The following ENOX1 variants were observed in gnomAD, a reference collection of about 807,000 sequenced individuals.
The protein encoded by ENOX1 is candidate growth-related and time keeping constitutive hydroquinone (NADH) oxidase.
In ENOX1, 42 loss-of-function variants were observed where a neutral mutation model predicts 82.5. That is an observed-to-expected ratio of 0.51 (90% confidence interval 0.40 to 0.66). The LOEUF is 0.66. Among genes scored for constraint, ENOX1 ranks in the 30% least tolerant of loss-of-function variants. The pLI is 0.00. For missense variants in ENOX1, 608 were observed against 811.6 expected, an observed-to-expected ratio of 0.75 and a Z score of 3.05; for synonymous variants, 271 against 282.2, an observed-to-expected ratio of 0.96 and a Z score of 0.40.
At chr13:43,261,368 A>C (rs1389696353) in intron 14 of ENOX1, among the ~76,000 whole-genome samples, 1 of 152,162 alleles carries the variant, frequency 6.6e-6, no homozygotes, top group Non-Finnish European at 1.5e-5. Context: ...GCAATTCCAG[A>C]AGTTTGAAGC....
intron 8 of ENOX1, among the ~76,000 whole-genome samples, chr13:43,355,499 T>C (rs73469610): frequency 0.02 from 3,033 of 152,298 alleles, 37 homozygotes; most frequent in Non-Finnish European, 0.028. Flanking sequence ...GCACACTCTA[T>C]AGAGCTGGAG....
chr13:43,311,729 C>T (rs966249726), intron 11 of ENOX1, among the ~76,000 whole-genome samples: 25 of 152,322 alleles, frequency 1.6e-4, no homozygotes, highest in African/African-American at 4.3e-4. Context: ...GTTAGCTATT[C>T]TTTCCCCTTA....
At position 43,231,544 on chromosome 13, in the gene ENOX1, C is replaced by T. The variant is rs190179379; in HGVS notation, c.1714+5092G>A. Among the ~76,000 whole-genome samples, 6 of 152,196 alleles carry T rather than the reference C, an allele frequency of 3.9e-5. No homozygotes were observed. In the East Asian group the frequency reaches 5.8e-4, roughly 15 times the overall value. ...GTAATATTTGTCTGTCTTATTTTTT[C>T]GATTAAACCCCTCAGACTGTATTTG... On this transcript the variant is annotated intron_variant, in intron 15 of 16. Transcript: ENST00000690772.
intron 2 of ENOX1, among the ~76,000 whole-genome samples, chr13:43,657,986 G>A (rs1219635494): frequency 6.6e-6 from 1 of 152,168 alleles, no homozygotes; most frequent in East Asian, 1.9e-4. Flanking sequence ...TATAGAATAT[G>A]AAACGGTGGT....
At chr13:43,401,764 G>A (rs1178194820) in intron 5 of ENOX1, among the ~76,000 whole-genome samples, 1 of 152,174 alleles carries the variant, frequency 6.6e-6, no homozygotes, top group East Asian at 1.9e-4. Context: ...AGAGTTCCCA[G>A]AAGTGTTTTG....
intron 7 of ENOX1, among the ~76,000 whole-genome samples, chr13:43,356,820 C>T (rs557845947): frequency 2.0e-5 from 3 of 152,144 alleles, no homozygotes; most frequent in South Asian, 2.1e-4. Flanking sequence ...GAGGCCTCGC[C>T]GCTGCCTGCC....
At chr13:43,271,353 T>C (rs1164797427) in intron 12 of ENOX1, among the ~76,000 whole-genome samples, 1 of 151,966 alleles carries the variant, frequency 6.6e-6, no homozygotes, top group Non-Finnish European at 1.5e-5. Context: ...AAAGCACTGC[T>C]CAGCAAAAAA....
chr13:43,743,583 C>T (rs1949868149), intron 1 of ENOX1, among the ~76,000 whole-genome samples: 1 of 152,172 alleles, frequency 6.6e-6, no homozygotes, highest in Admixed American at 6.6e-5. Context: ...TGGAAAAATG[C>T]TCCTAAAGCT....
At chr13:43,648,093 C>T in intron 2 of ENOX1, among the ~76,000 whole-genome samples, 1 of 152,190 alleles carries the variant, frequency 6.6e-6, no homozygotes, top group East Asian at 1.9e-4. Context: ...ACTGTTAAGA[C>T]TATACATCTG....
chr13:43,224,049 T>C lies in ENOX1; in HGVS notation c.1800+4A>G. 2 of 1,612,346 alleles carry C rather than the reference T, an allele frequency of 1.2e-6. No homozygotes were observed. The highest frequency in any genetic ancestry group is 2.2e-5 in the South Asian group (2 of 90,944). On this transcript the variant is annotated splice_donor_region_variant and intron_variant, in intron 16 of 16. Coordinates refer to ENST00000690772, the MANE Select transcript of ENOX1 (RefSeq NM_001347969.2). ...CGAAAGTTCACTCGAGCAAAATAAT[T>C]TACCTTGGAGTCCAGCTGCTGCATG...
At chr13:43,746,553 G>A (rs1432944608) in intron 1 of ENOX1, among the ~76,000 whole-genome samples, 1 of 152,084 alleles carries the variant, frequency 6.6e-6, no homozygotes, top group Non-Finnish European at 1.5e-5. Flanking sequence ...CTAAGTTGAG[G>A]GGTAACAGGA....
At chr13:43,552,358 A>G (rs2079236272) in intron 2 of ENOX1, among the ~76,000 whole-genome samples, 1 of 151,836 alleles carries the variant, frequency 6.6e-6, no homozygotes, top group African/African-American at 2.4e-5. Flanking sequence ...AAAAAAAAAA[A>G]AAAAAGAAAA....
chr13:43,341,158 G>A (rs545582624), intron 9 of ENOX1, among the ~76,000 whole-genome samples: 54 of 152,132 alleles, frequency 3.5e-4, no homozygotes, highest in Non-Finnish European at 6.3e-4. Context: ...TCAGATGGGC[G>A]TGGTGGCGGG....
intron 2 of ENOX1, among the ~76,000 whole-genome samples, chr13:43,488,591 G>C (rs1471300438): frequency 6.6e-6 from 1 of 152,196 alleles, no homozygotes; most frequent in Non-Finnish European, 1.5e-5. Flanking sequence ...ATTGGGTAAT[G>C]GGTAGAAGCT....
At chr13:43,401,414 C>T (rs910202265) in intron 5 of ENOX1, among the ~76,000 whole-genome samples, 3 of 152,044 alleles carry the variant, frequency 2.0e-5, no homozygotes, top group African/African-American at 7.2e-5. Context: ...TATGATAGTC[C>T]CAGCCACTGT....
intron 3 of ENOX1, among the ~76,000 whole-genome samples, chr13:43,448,598 C>G (rs2056786292): frequency 6.6e-6 from 1 of 152,152 alleles, no homozygotes; most frequent in African/African-American, 2.4e-5. Flanking sequence ...AAAGAGCAAT[C>G]CAGTAGTACA....
At chr13:43,540,623 C>T (rs190034620) in intron 2 of ENOX1, among the ~76,000 whole-genome samples, 1 of 152,238 alleles carries the variant, frequency 6.6e-6, no homozygotes, top group Admixed American at 6.5e-5. Flanking sequence ...AGTGGTGAGA[C>T]TGGTGAGATG....
intron 1 of ENOX1, among the ~76,000 whole-genome samples, chr13:43,720,996 G>C (rs1453473797): frequency 6.6e-6 from 1 of 152,164 alleles, no homozygotes; most frequent in African/African-American, 2.4e-5. Context: ...TAATGACATA[G>C]AAGAAAAGGG....
chr13:43,737,599 A>G (rs918930343), intron 1 of ENOX1, among the ~76,000 whole-genome samples: 1 of 152,208 alleles, frequency 6.6e-6, no homozygotes, highest in African/African-American at 2.4e-5. Context: ...CATGAGTTAT[A>G]TACATTACCC....
Sources: gnomAD v4.1 joint callset for allele counts (sites outside exome capture counted in the v4.1 genomes callset) on GRCh38, gnomAD v4.1.1 for gene constraint, MANE v1.5 for transcripts, NCBI Gene and HGNC (gene_info 2026-07-23, HGNC 2026-07-21) for gene names.